Variants in DICER1 observed in about 807,000 individuals in gnomAD.
The protein encoded by DICER1 is dicer 1, ribonuclease III, also known as endoribonuclease Dicer.
A neutral mutation model predicts 194.1 loss-of-function variants in DICER1; 43 were observed. That is an observed-to-expected ratio of 0.22 (90% CI 0.17 to 0.29). DICER1 has a LOEUF of 0.29. Among genes scored for constraint, DICER1 ranks in the 10% least tolerant of loss-of-function variants. The probability of loss-of-function intolerance (pLI) is 1.00; values close to 1 mark genes in which losing one functional copy is unlikely to be tolerated. For missense variants in DICER1, 1,608 were observed against 2,317.0 expected (o/e 0.69, Z 6.28); for synonymous variants, 832 against 820.5 (o/e 1.01, Z -0.24).
At chr14:95,115,588 A>G in intron 11 of DICER1, 79 bp downstream of exon 11, 1 of 1,511,996 alleles carries the variant, frequency 6.6e-7, no homozygotes, top group Non-Finnish European at 9.2e-7. Flanking sequence ...GCAAAATGTC[A>G]ACAATACAAA....
rs1430019327 is a variant in DICER1, at chr14:95,096,572, T to G, written c.4348A>C (p.Ile1450Leu). The change falls in exon 23 of 27, where the codon ATC becomes CTC. Residue 1450 changes from isoleucine (I) to leucine (L), a missense_variant. This residue lies in a region of DICER1 where 164 missense variants were observed against 183.7 expected (regional missense o/e 0.89). Coordinates refer to ENST00000343455, the MANE Select transcript of DICER1 (RefSeq NM_177438.3). ...DDFLEYDQEH[I>L]RFIDNMLMGS... ...ATTAACATATTATCTATAAATCTGA[T>G]ATGTTCCTGATCATACTCCAGGAAA... is the stretch of plus-strand genomic sequence containing the variant. 1 of 1,613,170 alleles carries G rather than the reference T, an allele frequency of 6.2e-7. No homozygotes were observed. The highest frequency in any genetic ancestry group is 8.5e-7 in the Non-Finnish European group (1 of 1,179,400).
Position 95,089,510 on chromosome 14 carries a change from C to A in DICER1, c.*988G>T, listed in dbSNP as rs1337275020. Reference sequence around the variant, plus strand: ...AAGGTTTATTTTGTTAGAGCAACAGCCTAGAAGGCAAAATTATTTGCCATA... The same window carrying A: ...AAGGTTTATTTTGTTAGAGCAACAGACTAGAAGGCAAAATTATTTGCCATA... On this transcript the variant is annotated 3_prime_UTR_variant, in exon 27 of 27. Coordinates refer to ENST00000343455, the MANE Select transcript of DICER1 (RefSeq NM_177438.3). 4.3e-6 allele frequency: 1 copy of A among 232,040 alleles called. No homozygotes were observed. Among genetic ancestry groups the A allele is most frequent in the Non-Finnish European group, 8.5e-6 (1 of 117,472 alleles). 14.4% of individuals were successfully genotyped at this position (232,040 alleles called of 1,614,324 possible). A position where few individuals can be genotyped will look rare whatever the true frequency, so the allele number is the denominator to read the frequency against.
intron 1 of DICER1, among the ~76,000 whole-genome samples, chr14:95,143,476 C>G (rs531986840): frequency 6.6e-6 from 1 of 152,114 alleles, no homozygotes; most frequent in African/African-American, 2.4e-5. Context: ...TGAAAGCCAT[C>G]TCTGAAATGG....
chr14:95,108,472 C>G lies in DICER1; in HGVS notation c.2288G>C (p.Arg763Thr), dbSNP rs774344152. 1.9e-6 allele frequency: 3 copies of G among 1,613,962 alleles called. No individual in the cohort carries two copies. The South Asian group carries it at 3.3e-5, about 18-fold the overall frequency. The change falls in exon 15 of 27, where the codon AGA becomes ACA. Residue 763 changes from arginine to threonine, a missense_variant. Physicochemically the swap from Arg to Thr is moderately conservative, Grantham distance 71. Transcript: ENST00000343455. ...ATACAGGTAACAGGGCTGATCAGGT[C>G]TGGGATAACTATCCCTCAAACACTC... ...IPECLRDSYPRPDQPCYLYVI... is the reference protein window; with the variant it reads ...IPECLRDSYPTPDQPCYLYVI...
In DICER1 at chr14:95,099,731, TACACACACACACAC is replaced by T. The variant is rs71838494; in HGVS notation, c.4206+35_4206+48del. The T allele has an allele frequency of 0.08, 85,187 of 1,068,570 alleles. 581 individuals carry two copies. Among genetic ancestry groups the T allele is most frequent in the Admixed American group, 0.088 (1,665 of 18,900 alleles). The allele number at this position is 1,068,570 out of a possible 1,614,324, so 66.2% of individuals were successfully genotyped here. A position where few individuals can be genotyped will look rare whatever the true frequency, so the allele number is the denominator to read the frequency against. On this transcript the variant is annotated intron_variant, in intron 22 of 26. Coordinates refer to ENST00000343455, the MANE Select transcript of DICER1 (RefSeq NM_177438.3). ...TCACCGAAAAGTAAATCCCTCCAGT[TACACACACACACAC>T]ACACACACACACACACACACACACA...
intron 1 of DICER1, among the ~76,000 whole-genome samples, chr14:95,139,394 A>T (rs997026942): frequency 3.3e-5 from 5 of 152,244 alleles, no homozygotes; most frequent in African/African-American, 1.2e-4. Context: ...CATGGTAAAC[A>T]AAAACTGCAG....
At chr14:95,156,582 G>C (rs1162849755) in intron 1 of DICER1, among the ~76,000 whole-genome samples, 1 of 152,220 alleles carries the variant, frequency 6.6e-6, no homozygotes, top group Non-Finnish European at 1.5e-5. Flanking sequence ...AACATACACT[G>C]ATTTCCCCAA....
At position 95,105,122 on chromosome 14, in the gene DICER1, T is replaced by C; in HGVS notation, c.3218A>G (p.Gln1073Arg). 1 of 1,614,228 alleles carries C rather than the reference T, an allele frequency of 6.2e-7. No individual in the cohort carries two copies. Among genetic ancestry groups the C allele is most frequent in the Non-Finnish European group, 8.5e-7 (1 of 1,180,024 alleles). The change falls in exon 20 of 27, where the codon CAG becomes CGG. Residue 1073 changes from glutamine to arginine, a missense_variant. Physicochemically the swap from Gln to Arg is conservative, Grantham distance 43. This residue lies in a region of DICER1 where 79 missense variants were observed against 176.1 expected (regional missense o/e 0.45). Transcript: ENST00000343455. The surrounding 1 kb of genome is among the most constrained non-coding windows in gnomAD (Gnocchi z 4.9). ...TCCCACGCCAGCATCGCTGGCAGTCTGGGCTCTTAGCTCCTCTGCAGTCAA... is the reference window on the plus strand; with the variant it reads ...TCCCACGCCAGCATCGCTGGCAGTCCGGGCTCTTAGCTCCTCTGCAGTCAA... ...CLLTAEELRA[Q>R]TASDAGVGVR...
chr14:95,145,896 A>C (rs946519558), intron 1 of DICER1, among the ~76,000 whole-genome samples: 1 of 152,194 alleles, frequency 6.6e-6, no homozygotes, highest in African/African-American at 2.4e-5. Context: ...CACACACAAA[A>C]AAAACTTCAT....
In DICER1 at chr14:95,091,311, C is replaced by A. The variant is rs1889812008; in HGVS notation, c.5419G>T (p.Ala1807Ser). Residue 1807 changes from alanine to serine, a missense_variant, in exon 25 of 27, where the codon GCC becomes TCC. Physicochemically the swap from Ala to Ser is moderately conservative, Grantham distance 99. This residue lies in a region of DICER1 where 138 missense variants were observed against 298.3 expected (regional missense o/e 0.46). Transcript: ENST00000343455. ...EKEEDIEVPK[A>S]MGDIFESLAG... ...AGCGACTCAAAAATATCCCCCATGG[C>A]CTTTGGAACTTCAATATCCTCTTCT... 1.2e-6 allele frequency: 2 copies of A among 1,614,080 alleles called. No individual in the cohort carries two copies. The highest frequency in any genetic ancestry group is 2.2e-5 in the South Asian group (2 of 91,076).
intron 14 of DICER1, 60 bp from the exon 15 acceptor site, chr14:95,108,563 G>T: frequency 6.8e-7 from 1 of 1,472,034 alleles, no homozygotes; most frequent in Non-Finnish European, 9.5e-7. Flanking sequence ...TTTTCCAGAT[G>T]TCAGCAAGAA....
Position 95,112,317 on chromosome 14 carries a change from A to G in DICER1, c.2041-70T>C. ...ATTACCTCTAGCACATGAAACACCTATGAAACCACTGCCCCAACATTTTTA... is the reference window on the plus strand; with the variant it reads ...ATTACCTCTAGCACATGAAACACCTGTGAAACCACTGCCCCAACATTTTTA... On this transcript the variant is annotated intron_variant, in intron 12 of 26. Coordinates refer to ENST00000343455, the MANE Select transcript of DICER1 (RefSeq NM_177438.3). The G allele has an allele frequency of 3.3e-6, 4 of 1,202,062 alleles. No homozygotes were observed. In the Admixed American group the frequency reaches 5.2e-5, roughly 16 times the overall value. 74.5% of individuals were successfully genotyped at this position (1,202,062 alleles called of 1,614,324 possible). A position where few individuals can be genotyped will look rare whatever the true frequency, so the allele number is the denominator to read the frequency against.
chr14:95,110,171 AAC>A (rs1233924242), intron 14 of DICER1, among the ~76,000 whole-genome samples: 1 of 152,218 alleles, frequency 6.6e-6, no homozygotes. Flanking sequence ...ATTAAAAAAA[AAC>A]ACTTTTAATA....
chr14:95,098,520 T>A (rs1890568461), intron 22 of DICER1, among the ~76,000 whole-genome samples: 1 of 151,460 alleles, frequency 6.6e-6, no homozygotes, highest in African/African-American at 2.4e-5. Flanking sequence ...TCAGAAACAT[T>A]AAGAAAAATA....
chr14:95,151,143 A>G (rs1437484674), intron 1 of DICER1, among the ~76,000 whole-genome samples: 1 of 152,256 alleles, frequency 6.6e-6, no homozygotes, highest in Non-Finnish European at 1.5e-5. Context: ...GTGTTAATTC[A>G]TGCATAGCAG....
Position 95,091,261 on chromosome 14 carries a change from A to G in DICER1, c.5469T>C (p.Ser1823=), listed in dbSNP as rs1889800149. Residue 1823 remains serine (S), a synonymous_variant, in exon 25 of 27, where the codon AGT becomes AGC. Coordinates refer to ENST00000343455, the MANE Select transcript of DICER1 (RefSeq NM_177438.3). ...ESLAGAIYMD[S]GMSLETVWQV... is the part of the protein sequence containing the mutation. ...GCCAGACTGTCTCCAGTGACATCCC[A>G]CTATCCATGTAAATGGCACCAGCAA... 6.2e-7 allele frequency: 1 copy of G among 1,614,048 alleles called. No individual in the cohort carries two copies. Among genetic ancestry groups the G allele is most frequent in the Admixed American group, 1.7e-5 (1 of 60,006 alleles).
At chr14:95,131,305 G>A (rs1435223689) in intron 4 of DICER1, among the ~76,000 whole-genome samples, 1 of 152,154 alleles carries the variant, frequency 6.6e-6, no homozygotes, top group Non-Finnish European at 1.5e-5. Context: ...GATTACAGAC[G>A]TCAGCCACTG....
At chr14:95,108,166 C>T (rs1431172612) in intron 15 of DICER1, 73 bp from the exon 16 acceptor site, 2 of 1,350,754 alleles carry the variant, frequency 1.5e-6, no homozygotes, top group South Asian at 1.2e-5. Flanking sequence ...AACTTCAGAA[C>T]AGAAATGATG....
At chr14:95,126,262 T>C (rs542305464) in intron 7 of DICER1, among the ~76,000 whole-genome samples, 33 of 152,274 alleles carry the variant, frequency 2.2e-4, no homozygotes, top group Admixed American at 1.6e-3. Flanking sequence ...ATTTGTTTAA[T>C]TCAAGGGTTT....
Sources: allele counts gnomAD v4.1 joint callset (sites outside exome capture counted in the v4.1 genomes callset), GRCh38; gene constraint gnomAD v4.1.1; regional missense constraint gnomAD v4.1.1; non-coding constraint Gnocchi (gnomAD v3.1); transcripts MANE v1.5; gene names NCBI Gene and HGNC (gene_info 2026-07-23, HGNC 2026-07-21).